The following LRRTM3 variants were observed in gnomAD, a reference collection of about 807,000 sequenced individuals.
LRRTM3 encodes the protein leucine rich repeat transmembrane neuronal 3.
LRRTM3 carries 24 observed loss-of-function variants against 44.7 expected under a neutral mutation model. The observed-to-expected ratio is 0.54, with a 90% confidence interval of 0.39 to 0.76. The LOEUF (loss-of-function observed/expected upper bound fraction) is 0.76. LRRTM3 is among the 30% of genes least tolerant of loss of function. The probability of loss-of-function intolerance (pLI) is 0.00; values close to 1 mark genes in which losing one functional copy is unlikely to be tolerated. For missense variants in LRRTM3, 587 were observed against 702.2 expected (o/e 0.84, Z 1.85); for synonymous variants, 277 against 278.7 (o/e 0.99, Z 0.06).
intron 2 of LRRTM3, among the ~76,000 whole-genome samples, chr10:66,957,442 G>GCATATATATACACACA (rs1848877553): frequency 9.4e-6 from 1 of 106,306 alleles, no homozygotes; most frequent in Non-Finnish European, 2.0e-5. Flanking sequence ...ATATATATAT[G>GCATATATATACACACA]CATATATATA....
intron 2 of LRRTM3, among the ~76,000 whole-genome samples, chr10:66,983,905 A>G (rs1161103159): frequency 3.3e-5 from 5 of 152,236 alleles, no homozygotes; most frequent in Admixed American, 3.3e-4. Context: ...GCTCTATGCT[A>G]AGTCCTTTGC....
intron 2 of LRRTM3, among the ~76,000 whole-genome samples, chr10:66,978,206 C>T (rs1446555257): frequency 6.6e-6 from 1 of 151,858 alleles, no homozygotes; most frequent in Non-Finnish European, 1.5e-5. Flanking sequence ...AGATCTGCTG[C>T]ACAACATAGT....
chr10:66,974,389 C>T (rs766113338), intron 2 of LRRTM3, among the ~76,000 whole-genome samples: 29 of 152,294 alleles, frequency 1.9e-4, no homozygotes, highest in Admixed American at 5.2e-4. Context: ...GCACACTTTA[C>T]GCATTCACCT....
At chr10:67,039,484 A>C (rs527660904) in intron 2 of LRRTM3, among the ~76,000 whole-genome samples, 44 of 152,286 alleles carry the variant, frequency 2.9e-4, no homozygotes, top group African/African-American at 8.7e-4. Flanking sequence ...GTATATAATA[A>C]TTTTTAAATT....
At chr10:66,974,169 G>C (rs555856226) in intron 2 of LRRTM3, among the ~76,000 whole-genome samples, 1 of 152,070 alleles carries the variant, frequency 6.6e-6, no homozygotes, top group Non-Finnish European at 1.5e-5. Context: ...TTTCGAGCTT[G>C]ATACGAATGA....
chr10:67,036,962 C>T (rs1232473759), intron 2 of LRRTM3, among the ~76,000 whole-genome samples: 1 of 152,050 alleles, frequency 6.6e-6, no homozygotes, highest in Non-Finnish European at 1.5e-5. Context: ...TGGTTGACAA[C>T]CCAAAGGGAG....
chr10:67,088,106 A>G (rs987815275), intron 2 of LRRTM3, among the ~76,000 whole-genome samples: 5 of 151,782 alleles, frequency 3.3e-5, no homozygotes, highest in Non-Finnish European at 7.4e-5. Context: ...TAAGTGAGTG[A>G]GTGAATGAGT....
chr10:67,044,752 G>T (rs935132395), intron 2 of LRRTM3, among the ~76,000 whole-genome samples: 2 of 152,028 alleles, frequency 1.3e-5, no homozygotes, highest in African/African-American at 4.8e-5. Context: ...TAGATATTTT[G>T]CTCAGCAAAA....
At chr10:67,013,772 G>C (rs1852483325) in intron 2 of LRRTM3, among the ~76,000 whole-genome samples, 2 of 152,060 alleles carry the variant, frequency 1.3e-5, no homozygotes, top group Admixed American at 1.3e-4. Flanking sequence ...TAATATCCTG[G>C]AAGTTTTTTT....
At chr10:66,982,394 A>T (rs1463506296) in intron 2 of LRRTM3, among the ~76,000 whole-genome samples, 1 of 152,190 alleles carries the variant, frequency 6.6e-6, no homozygotes, top group African/African-American at 2.4e-5. Context: ...TAACTTCTCT[A>T]AATCTCAGTT....
intron 2 of LRRTM3, among the ~76,000 whole-genome samples, chr10:67,048,367 T>C (rs1332783415): frequency 2.0e-5 from 3 of 152,060 alleles, no homozygotes; most frequent in Non-Finnish European, 4.4e-5. Flanking sequence ...AGCCAGTACA[T>C]AGATAAATTC....
At position 66,926,483 on chromosome 10, in the gene LRRTM3, C is replaced by G; in HGVS notation, c.-101C>G. The G allele has an allele frequency of 7.3e-7, 1 of 1,369,336 alleles. No homozygotes were observed. The highest frequency in any genetic ancestry group is 1.0e-6 in the Non-Finnish European group (1 of 979,976). The allele number at this position is 1,369,336 out of a possible 1,614,324, so 84.8% of individuals were successfully genotyped here. A position where few individuals can be genotyped will look rare whatever the true frequency, so the allele number is the denominator to read the frequency against. Reference sequence around the variant, plus strand: ...TCCAATTTTTCTTCCTGGGTGTCAGCGAGCCCTGACTCACTACAGTGCAGC... The same window carrying G: ...TCCAATTTTTCTTCCTGGGTGTCAGGGAGCCCTGACTCACTACAGTGCAGC... On this transcript the variant is annotated 5_prime_UTR_variant, in exon 1 of 3. Coordinates refer to ENST00000361320, the MANE Select transcript of LRRTM3 (RefSeq NM_178011.5).
At chr10:66,979,085 C>T (rs960382486) in intron 2 of LRRTM3, among the ~76,000 whole-genome samples, 3 of 151,108 alleles carry the variant, frequency 2.0e-5, no homozygotes, top group Admixed American at 6.6e-5. Flanking sequence ...CTGCCTCAGC[C>T]TCCTGAGTAG....
At chr10:66,973,185 A>C (rs904709855) in intron 2 of LRRTM3, among the ~76,000 whole-genome samples, 1 of 152,194 alleles carries the variant, frequency 6.6e-6, no homozygotes, top group Non-Finnish European at 1.5e-5. Context: ...TTTATGAAAA[A>C]TAATTTTAAA....
At position 67,100,783 on chromosome 10, in the gene LRRTM3, T is replaced by C. The variant is rs1858292757; in HGVS notation, c.*2987T>C. 6.6e-6 allele frequency among the ~76,000 whole-genome samples: 1 copy of C among 151,652 alleles called. No homozygotes were observed. Among genetic ancestry groups the C allele is most frequent in the Admixed American group, 6.6e-5 (1 of 15,166 alleles). ...TCATTTTGTCTTCATAACAACCCTA[T>C]GAAGACACATTAATCTCAAAGAAAT... On this transcript the variant is annotated 3_prime_UTR_variant, in exon 3 of 3. Coordinates refer to ENST00000361320, the MANE Select transcript of LRRTM3 (RefSeq NM_178011.5).
chr10:66,965,343 T>C (rs924861974), intron 2 of LRRTM3, among the ~76,000 whole-genome samples: 2 of 152,048 alleles, frequency 1.3e-5, no homozygotes, highest in African/African-American at 4.8e-5. Flanking sequence ...CAGACGATCT[T>C]GGCCAACATG....
chr10:67,085,250 A>G (rs1857238392), intron 2 of LRRTM3, among the ~76,000 whole-genome samples: 1 of 151,972 alleles, frequency 6.6e-6, no homozygotes, highest in Non-Finnish European at 1.5e-5. Context: ...CTACATATAT[A>G]TGTGGCTGAT....
At position 66,927,213 on chromosome 10, in the gene LRRTM3, T is replaced by A. The variant is rs1284037605; in HGVS notation, c.297T>A (p.Asn99Lys). 6.2e-7 allele frequency: 1 copy of A among 1,614,060 alleles called. No individual in the cohort carries two copies. Among genetic ancestry groups the A allele is most frequent in the African/African-American group, 1.3e-5 (1 of 74,930 alleles). Residue 99 changes from asparagine to lysine, a missense_variant, in exon 2 of 3, where the codon AAT becomes AAA. By Grantham distance (94) the Asn-to-Lys change is moderately conservative. Transcript: ENST00000361320. This position sits in a 1 kb window ranked among gnomAD's most constrained non-coding sequence, Gnocchi z 4.7. The part of the protein sequence containing the change: ...WLYLDHNHIS[N>K]IDENAFNGIR... Reference sequence around the variant, plus strand: ...ACCTTGACCATAACCATATCAGCAATATTGACGAAAATGCTTTTAATGGAA... The same window carrying A: ...ACCTTGACCATAACCATATCAGCAAAATTGACGAAAATGCTTTTAATGGAA...
chr10:67,026,554 T>C (rs1853400225), intron 2 of LRRTM3, among the ~76,000 whole-genome samples: 1 of 152,124 alleles, frequency 6.6e-6, no homozygotes, highest in Non-Finnish European at 1.5e-5. Context: ...AAGAGGAACA[T>C]GCCTTCAAAT....
Sources: allele counts gnomAD v4.1 joint callset (sites outside exome capture counted in the v4.1 genomes callset), GRCh38; gene constraint gnomAD v4.1.1; non-coding constraint Gnocchi (gnomAD v3.1); transcripts MANE v1.5; gene names NCBI Gene and HGNC (gene_info 2026-07-23, HGNC 2026-07-21).